Variants in KLHL13 observed in about 807,000 individuals in gnomAD.
KLHL13 encodes kelch like family member 13, also known as kelch-like protein 13.
A neutral mutation model predicts 37.1 loss-of-function variants in KLHL13; 10 were observed. The ratio of observed to expected loss-of-function variants is 0.27; its 90% CI spans 0.17 to 0.46. The LOEUF is 0.46. KLHL13 is among the 20% of genes least tolerant of loss of function. The probability of loss-of-function intolerance (pLI) is 1.00; values close to 1 mark genes in which losing one functional copy is unlikely to be tolerated. For missense variants in KLHL13, 360 were observed against 509.3 expected, an observed-to-expected ratio of 0.71 and a Z score of 2.82; for synonymous variants, 163 against 181.2, an observed-to-expected ratio of 0.90 and a Z score of 0.81.
At chrX:118,037,863 G>C (rs1055500347) in intron 1 of KLHL13, among the ~76,000 whole-genome samples, 2 of 111,799 alleles carry the variant, frequency 1.8e-5, no homozygotes, top group Non-Finnish European at 1.9e-5. Flanking sequence ...ACTGAGATAA[G>C]AGCCCAGACA....
chrX:117,927,750 G>A (rs1032264468), intron 2 of KLHL13, among the ~76,000 whole-genome samples: 8 of 112,034 alleles, frequency 7.1e-5, no homozygotes, highest in Middle Eastern at 4.7e-3. Flanking sequence ...ATCATATAAT[G>A]TCATTTATGT....
At chrX:118,031,615 A>G in intron 1 of KLHL13, among the ~76,000 whole-genome samples, 1 of 98,984 alleles carries the variant, frequency 1.0e-5, no homozygotes, top group East Asian at 3.0e-4. Flanking sequence ...AGTTATATAT[A>G]TATTTAGTTG....
chrX:117,954,179 A>G (rs1442335244), intron 1 of KLHL13, among the ~76,000 whole-genome samples: 1 of 112,271 alleles, frequency 8.9e-6, no homozygotes, highest in Non-Finnish European at 1.9e-5. Flanking sequence ...GTCCTTAAAG[A>G]ACTTCAAAAT....
At chrX:117,981,393 T>C (rs1002511400) in intron 1 of KLHL13, among the ~76,000 whole-genome samples, 17 of 112,399 alleles carry the variant, frequency 1.5e-4, no homozygotes, top group Non-Finnish European at 1.9e-5. Flanking sequence ...ATCTTCTAGG[T>C]TGAATCTAGA....
At chrX:118,018,121 A>G (rs1313606974) in intron 1 of KLHL13, among the ~76,000 whole-genome samples, 2 of 111,835 alleles carry the variant, frequency 1.8e-5, no homozygotes, top group Non-Finnish European at 1.9e-5. Context: ...AACTTCATAT[A>G]GGGTAAAATA....
intron 1 of KLHL13, chrX:117,947,705 T>C (rs1287615183): frequency 8.9e-6 from 1 of 112,113 alleles, no homozygotes; most frequent in Non-Finnish European, 1.9e-5. Context: ...TCAGTATCTT[T>C]TGACTTTTTA....
At chrX:118,005,693 T>A (rs775893403) in intron 1 of KLHL13, among the ~76,000 whole-genome samples, 1 of 111,497 alleles carries the variant, frequency 9.0e-6, no homozygotes, top group East Asian at 2.8e-4. Flanking sequence ...CTCTGGACGC[T>A]GGGAAAGGCA....
At chrX:118,099,656 A>G (rs1293786560) in intron 1 of KLHL13, among the ~76,000 whole-genome samples, 1 of 110,455 alleles carries the variant, frequency 9.1e-6, no homozygotes, top group Admixed American at 9.8e-5. Context: ...TCTAATAAAA[A>G]TTTTAAAAAA....
intron 2 of KLHL13, among the ~76,000 whole-genome samples, chrX:117,927,285 C>T (rs1932122406): frequency 8.9e-6 from 1 of 111,772 alleles, no homozygotes; most frequent in African/African-American, 3.3e-5. Context: ...CCCCTCCCGG[C>T]CTGGCCTGGA....
intron 1 of KLHL13, among the ~76,000 whole-genome samples, chrX:118,019,191 CCTT>C (rs1329803011): frequency 1.8e-5 from 2 of 111,302 alleles, no homozygotes; most frequent in Non-Finnish European, 3.8e-5. Flanking sequence ...CATGCTTTGA[CCTT>C]CTTCTTCCCA....
chrX:118,059,921 G>A lies in KLHL13; in HGVS notation c.-56+56587C>T, dbSNP rs768556835. 1.4e-4 allele frequency among the ~76,000 whole-genome samples: 16 copies of A among 111,815 alleles called. No homozygotes were observed. The East Asian group carries it at 1.7e-3, about 12-fold the overall frequency. ...GTGTTACCGTGAGCACTTAACTACC[G>A]TCTGTAAAACAGAGACAGAGACAGC... On this transcript the variant is annotated intron_variant, in intron 1 of 6. Coordinates refer to the KLHL13 transcript ENST00000371882.
chrX:117,925,538 G>C (rs925694636), intron 2 of KLHL13, among the ~76,000 whole-genome samples: 24 of 111,697 alleles, frequency 2.1e-4, no homozygotes, highest in African/African-American at 7.5e-4. Context: ...GACAGAAAAA[G>C]GAACAGATGC....
intron 1 of KLHL13, among the ~76,000 whole-genome samples, chrX:118,063,605 G>A (rs2054764926): frequency 9.0e-6 from 1 of 111,372 alleles, no homozygotes; most frequent in African/African-American, 3.3e-5. Context: ...ATATTAGTTT[G>A]TCCCTAGAAA....
chrX:117,927,853 A>AT (rs1932171168), intron 2 of KLHL13, among the ~76,000 whole-genome samples: 1 of 111,947 alleles, frequency 8.9e-6, no homozygotes, highest in South Asian at 3.8e-4. Context: ...ACCAAGGGGT[A>AT]ACAGGAGGGA....
intron 1 of KLHL13, among the ~76,000 whole-genome samples, chrX:118,082,671 T>C: frequency 8.9e-6 from 1 of 111,993 alleles, no homozygotes. Context: ...CAAAAATTTC[T>C]TTCCCCAAAG....
intron 1 of KLHL13, among the ~76,000 whole-genome samples, chrX:118,071,447 T>C (rs1448632172): frequency 4.5e-5 from 5 of 111,809 alleles, no homozygotes; most frequent in African/African-American, 1.6e-4. Context: ...ATGATTGCCA[T>C]TCTAACTGGT....
chrX:117,964,977 C>T (rs1306783048), intron 1 of KLHL13, among the ~76,000 whole-genome samples: 1 of 111,704 alleles, frequency 9.0e-6, no homozygotes, highest in Non-Finnish European at 1.9e-5. Context: ...TTTCTTAATC[C>T]GGTCTATCAT....
chrX:118,099,827 G>C (rs1391386538), intron 1 of KLHL13, among the ~76,000 whole-genome samples: 1 of 104,425 alleles, frequency 9.6e-6, no homozygotes, highest in Non-Finnish European at 2.0e-5. Context: ...AGGAAAGAAG[G>C]AAAGAAGAAA....
chrX:118,116,136 A>G (rs1199232166), intron 1 of KLHL13, among the ~76,000 whole-genome samples: 1 of 111,381 alleles, frequency 9.0e-6, no homozygotes, highest in Admixed American at 9.5e-5. Context: ...AGAGGGCAAG[A>G]GACAGTAGGG....
Sources: allele counts gnomAD v4.1 joint callset (sites outside exome capture counted in the v4.1 genomes callset), GRCh38; gene constraint gnomAD v4.1.1; transcripts MANE v1.5; gene names NCBI Gene and HGNC (gene_info 2026-07-23, HGNC 2026-07-21).